Variants in SLIT3 observed in about 807,000 individuals in gnomAD.
The protein encoded by SLIT3 is slit homolog 3 protein.
A neutral mutation model predicts 184.0 loss-of-function variants in SLIT3; 68 were observed. That is an observed-to-expected ratio of 0.37 (90% CI 0.30 to 0.45). The LOEUF is 0.45. Ranked by LOEUF, SLIT3 falls within the 20% of genes least tolerant of loss-of-function variation. The probability of loss-of-function intolerance (pLI) is 1.00; values close to 1 mark genes in which losing one functional copy is unlikely to be tolerated. For synonymous variants in SLIT3, 831 were observed against 828.6 expected (o/e 1.00, Z -0.05); for missense variants, 1,707 against 2,026.0 (o/e 0.84, Z 3.02).
intron 5 of SLIT3, among the ~76,000 whole-genome samples, chr5:168,868,918 T>C (rs1759411505): frequency 6.6e-6 from 1 of 152,152 alleles, no homozygotes; most frequent in South Asian, 2.1e-4. Context: ...ATCTCACCTA[T>C]TCTATTGGAG....
At chr5:168,818,811 G>T (rs1029563761) in intron 7 of SLIT3, among the ~76,000 whole-genome samples, 1 of 152,204 alleles carries the variant, frequency 6.6e-6, no homozygotes, top group Non-Finnish European at 1.5e-5. Context: ...ATGCCAGCAG[G>T]GCCTTCCTGC....
intron 4 of SLIT3, among the ~76,000 whole-genome samples, chr5:169,158,684 AG>A (rs1428148218): frequency 6.6e-6 from 1 of 152,190 alleles, no homozygotes; most frequent in Non-Finnish European, 1.5e-5. Context: ...GTAATAGGGG[AG>A]GGCAAAGGAA....
chr5:168,740,354 A>G (rs1156404524), intron 20 of SLIT3, among the ~76,000 whole-genome samples: 1 of 152,186 alleles, frequency 6.6e-6, no homozygotes, highest in Admixed American at 6.5e-5. Flanking sequence ...TCCTGCTCAG[A>G]TGGCATTGCT....
chr5:169,215,464 T>C (rs1332425524), intron 3 of SLIT3, among the ~76,000 whole-genome samples: 2 of 152,154 alleles, frequency 1.3e-5, no homozygotes, highest in Non-Finnish European at 2.9e-5. Context: ...AAACCCTTTC[T>C]GTAAAGAGCC....
chr5:169,153,560 C>A (rs1762198105), intron 4 of SLIT3, among the ~76,000 whole-genome samples: 1 of 152,230 alleles, frequency 6.6e-6, no homozygotes, highest in Non-Finnish European at 1.5e-5. Context: ...AGATCCTTGG[C>A]TTTTCTTAAA....
At chr5:168,982,279 AC>A (rs1754975927) in intron 4 of SLIT3, among the ~76,000 whole-genome samples, 1 of 152,202 alleles carries the variant, frequency 6.6e-6, no homozygotes, top group South Asian at 2.1e-4. Flanking sequence ...TAATACATTA[AC>A]AGGTTATCAT....
intron 8 of SLIT3, among the ~76,000 whole-genome samples, chr5:168,810,334 T>G (rs916509615): frequency 6.6e-6 from 1 of 152,240 alleles, no homozygotes; most frequent in Non-Finnish European, 1.5e-5. Context: ...GGCGGTCTCA[T>G]GACCCACACT....
intron 4 of SLIT3, chr5:169,023,888 G>C (rs959714206): frequency 6.6e-6 from 1 of 152,160 alleles, no homozygotes; most frequent in Non-Finnish European, 1.5e-5. Context: ...ATGAAAGACT[G>C]AGGCTGGGAA....
intron 3 of SLIT3, among the ~76,000 whole-genome samples, chr5:169,206,700 T>G (rs1478953829): frequency 6.6e-6 from 1 of 152,238 alleles, no homozygotes; most frequent in Non-Finnish European, 1.5e-5. Context: ...CTCTTAATGA[T>G]GGTGTGCCTC....
intron 3 of SLIT3, among the ~76,000 whole-genome samples, chr5:169,229,339 G>A (rs1030992485): frequency 1.3e-5 from 2 of 152,124 alleles, no homozygotes; most frequent in African/African-American, 4.8e-5. Flanking sequence ...ACAGATTAAT[G>A]TGGGCTTACC....
chr5:169,119,098 C>A (rs1286204962), intron 4 of SLIT3, among the ~76,000 whole-genome samples: 1 of 152,174 alleles, frequency 6.6e-6, no homozygotes. Flanking sequence ...GTCTACTAAA[C>A]CATGATACTT....
chr5:168,966,071 G>A (rs1763179267), intron 4 of SLIT3, among the ~76,000 whole-genome samples: 1 of 152,192 alleles, frequency 6.6e-6, no homozygotes. Context: ...TATGAGATAC[G>A]ATTGTGAATT....
intron 4 of SLIT3, among the ~76,000 whole-genome samples, chr5:169,040,917 G>T (rs1217282752): frequency 1.3e-5 from 2 of 152,312 alleles, no homozygotes; most frequent in East Asian, 3.9e-4. Flanking sequence ...CTCTGCAAAT[G>T]ATGATTGATG....
intron 4 of SLIT3, among the ~76,000 whole-genome samples, chr5:169,025,720 T>C (rs930678318): frequency 6.6e-6 from 1 of 152,172 alleles, no homozygotes; most frequent in East Asian, 1.9e-4. Flanking sequence ...ACAAATGGTT[T>C]AACAGCAATG....
intron 1 of SLIT3, among the ~76,000 whole-genome samples, chr5:169,295,172 T>C (rs769800501): frequency 1.3e-5 from 2 of 152,248 alleles, no homozygotes; most frequent in African/African-American, 2.4e-5. Flanking sequence ...CACTAGGCGA[T>C]AGGAATTCTT....
At chr5:168,669,601 T>C (rs1309487051) in intron 35 of SLIT3, among the ~76,000 whole-genome samples, 182 bp downstream of exon 35, 2 of 152,208 alleles carry the variant, frequency 1.3e-5, no homozygotes, top group African/African-American at 4.8e-5. Context: ...ACTAGATAAC[T>C]GATACAGGAA....
rs748823395 is a variant in SLIT3 at position 168,762,590 on chromosome 5, T to C, written c.1559A>G (p.Asn520Ser). 7 of 1,613,850 alleles carry C rather than the reference T, an allele frequency of 4.3e-6. No individual in the cohort carries two copies. The highest frequency in any genetic ancestry group is 2.2e-5 in the South Asian group (2 of 91,064). ...GCTTGGGATGCGGACCAGCTTCTGG[T>C]TGGAGCAGTCCACAATCGTGCCCTC... is the stretch of plus-strand genomic sequence containing the variant. ...RCEGTIVDCS[N>S]QKLVRIPSHL... is the part of the protein sequence containing the mutation. Residue 520 changes from asparagine to serine, a missense_variant, in exon 15 of 36, where the codon AAC (asparagine) becomes AGC (serine). Physicochemically the swap from Asn to Ser is conservative, Grantham distance 46 (BLOSUM62 1). Coordinates refer to ENST00000519560, the MANE Select transcript of SLIT3 (RefSeq NM_003062.4).
At chr5:169,284,053 T>G (rs1767078785) in intron 1 of SLIT3, among the ~76,000 whole-genome samples, 2 of 152,256 alleles carry the variant, frequency 1.3e-5, no homozygotes, top group Non-Finnish European at 2.9e-5. Context: ...TTTGCTGAAT[T>G]TCAGCCAATA....
chr5:168,811,326 T>C (rs1757150432), intron 8 of SLIT3, among the ~76,000 whole-genome samples: 2 of 152,316 alleles, frequency 1.3e-5, no homozygotes, highest in Admixed American at 1.3e-4. Flanking sequence ...AACCCATGAT[T>C]TAGGTTCCAT....
Sources: gnomAD v4.1 joint callset for allele counts (sites outside exome capture counted in the v4.1 genomes callset) on GRCh38, gnomAD v4.1.1 for gene constraint, MANE v1.5 for transcripts, NCBI Gene and HGNC (gene_info 2026-07-23, HGNC 2026-07-21) for gene names.